Variants in IQCM observed in about 807,000 individuals in gnomAD.
IQCM encodes the protein IQ motif containing M.
A neutral mutation model predicts 57.6 loss-of-function variants in IQCM; 45 were observed. The ratio of observed to expected loss-of-function variants is 0.78; its 90% CI spans 0.62 to 1.00. The LOEUF is 1.00. Ranked by LOEUF, IQCM falls within the 50% of genes least tolerant of loss-of-function variation. The pLI is 0.00. For synonymous variants in IQCM, 148 were observed against 158.9 expected (o/e 0.93, Z 0.51); for missense variants, 468 against 511.6 (o/e 0.91, Z 0.82).
At chr4:149,454,070 C>T (rs925396325) in intron 12 of IQCM, among the ~76,000 whole-genome samples, 5 of 150,054 alleles carry the variant, frequency 3.3e-5, no homozygotes, top group Admixed American at 2.0e-4. Context: ...GACACATGCA[C>T]GTGTATGTTC....
chr4:149,577,899 T>C (rs1283394546), intron 9 of IQCM, among the ~76,000 whole-genome samples: 2 of 151,932 alleles, frequency 1.3e-5, no homozygotes, highest in Non-Finnish European at 2.9e-5. Context: ...TTGATTTCTT[T>C]CAGCAGTGTT....
At chr4:149,499,784 G>A (rs1743048954) in intron 12 of IQCM, among the ~76,000 whole-genome samples, 1 of 152,158 alleles carries the variant, frequency 6.6e-6, no homozygotes, top group Non-Finnish European at 1.5e-5. Context: ...CCCTAGTAAT[G>A]AAGAAAGGAA....
intron 12 of IQCM, among the ~76,000 whole-genome samples, chr4:149,474,382 G>C (rs1322159709): frequency 3.3e-5 from 5 of 151,942 alleles, no homozygotes; most frequent in Non-Finnish European, 7.4e-5. Context: ...GTGGACTCCA[G>C]CCTGGCAATA....
chr4:149,614,876 C>T (rs1189991979), intron 8 of IQCM, among the ~76,000 whole-genome samples: 2 of 152,174 alleles, frequency 1.3e-5, no homozygotes, highest in Non-Finnish European at 2.9e-5. Flanking sequence ...TGGCAGAGCT[C>T]CTCCCAGTGA....
At chr4:149,789,111 A>T (rs1327133451) in intron 2 of IQCM, among the ~76,000 whole-genome samples, 1 of 152,200 alleles carries the variant, frequency 6.6e-6, no homozygotes, top group East Asian at 1.9e-4. Context: ...ATAGTTAACA[A>T]CAATGTATGG....
intron 12 of IQCM, among the ~76,000 whole-genome samples, chr4:149,451,094 A>G (rs1338294340): frequency 6.6e-6 from 1 of 151,886 alleles, no homozygotes; most frequent in Non-Finnish European, 1.5e-5. Flanking sequence ...CCAAAAAGGC[A>G]AAGATCACAT....
At chr4:149,359,184 A>T (rs1729298017) in intron 13 of IQCM, among the ~76,000 whole-genome samples, 1 of 152,028 alleles carries the variant, frequency 6.6e-6, no homozygotes, top group African/African-American at 2.4e-5. Context: ...ACAAATAAAA[A>T]ACCTCTCTAG....
intron 13 of IQCM, among the ~76,000 whole-genome samples, chr4:149,366,928 A>T (rs1729884507): frequency 6.6e-6 from 1 of 152,032 alleles, no homozygotes. Context: ...TGCAAAACGG[A>T]TTTGAAAAAC....
At chr4:149,559,443 T>C (rs1240116021) in intron 10 of IQCM, among the ~76,000 whole-genome samples, 1 of 152,188 alleles carries the variant, frequency 6.6e-6, no homozygotes, top group African/African-American at 2.4e-5. Flanking sequence ...TCATTGATAT[T>C]GTCTTTCCTG....
chr4:149,675,985 T>G (rs1019445584), intron 7 of IQCM, among the ~76,000 whole-genome samples: 2 of 152,062 alleles, frequency 1.3e-5, no homozygotes, highest in Admixed American at 6.6e-5. Flanking sequence ...GGTTATTATG[T>G]AGAGCATTAT....
chr4:149,367,789 C>T (rs1265061437), intron 13 of IQCM, among the ~76,000 whole-genome samples: 1 of 151,988 alleles, frequency 6.6e-6, no homozygotes, highest in Non-Finnish European at 1.5e-5. Flanking sequence ...TGCATCTTTG[C>T]TTAGGTCTCA....
At chr4:149,504,426 C>T (rs2149797019) in intron 12 of IQCM, among the ~76,000 whole-genome samples, 1 of 152,226 alleles carries the variant, frequency 6.6e-6, no homozygotes, top group Non-Finnish European at 1.5e-5. Flanking sequence ...ATACTACAGA[C>T]TGAATGATTG....
intron 12 of IQCM, among the ~76,000 whole-genome samples, chr4:149,515,611 C>T (rs980014967): frequency 3.9e-5 from 6 of 152,192 alleles, no homozygotes; most frequent in African/African-American, 1.4e-4. Context: ...AGGTGCAGCA[C>T]TACAGCCCCT....
intron 12 of IQCM, among the ~76,000 whole-genome samples, chr4:149,469,167 A>G (rs1245933358): frequency 6.6e-6 from 1 of 152,228 alleles, no homozygotes; most frequent in Non-Finnish European, 1.5e-5. Flanking sequence ...CGGTAATAAC[A>G]AACTTCTCTG....
At chr4:149,711,745 A>G (rs1354136711) in intron 5 of IQCM, among the ~76,000 whole-genome samples, 1 of 152,200 alleles carries the variant, frequency 6.6e-6, no homozygotes, top group East Asian at 1.9e-4. Flanking sequence ...TTTGAAAGCT[A>G]CTTAAAGGCC....
chr4:149,427,395 C>T (rs780619947), intron 13 of IQCM, among the ~76,000 whole-genome samples: 1 of 151,918 alleles, frequency 6.6e-6, no homozygotes, highest in Non-Finnish European at 1.5e-5. Context: ...AAATGTACAA[C>T]TCACATTTTC....
chr4:149,358,339 G>C (rs150017412), intron 13 of IQCM, among the ~76,000 whole-genome samples: 1,761 of 152,172 alleles, frequency 0.012, 32 homozygotes, highest in African/African-American at 0.035. Context: ...TGTGATGTTA[G>C]GGTGTCGATT....
chr4:149,631,247 C>T (rs370238454), intron 7 of IQCM, among the ~76,000 whole-genome samples: 8 of 152,126 alleles, frequency 5.3e-5, no homozygotes, highest in Non-Finnish European at 1.0e-4. Flanking sequence ...CTCTTGCTCC[C>T]GGTTTCCTGT....
chr4:149,588,175 C>T (rs910394061), intron 8 of IQCM, among the ~76,000 whole-genome samples, 178 bp from the exon 9 acceptor site: 1 of 151,586 alleles, frequency 6.6e-6, no homozygotes, highest in Non-Finnish European at 1.5e-5. Context: ...ACTGTTGAAC[C>T]TCCTTCAGAA....
Sources: allele counts gnomAD v4.1 joint callset (sites outside exome capture counted in the v4.1 genomes callset), GRCh38; gene constraint gnomAD v4.1.1; transcripts MANE v1.5; gene names NCBI Gene and HGNC (gene_info 2026-07-23, HGNC 2026-07-21).